PCDH9: variants seen among roughly 807,000 people sequenced by gnomAD.
The protein encoded by PCDH9 is protocadherin 9.
In PCDH9, 24 loss-of-function variants were observed where a neutral mutation model predicts 70.6. That is an observed-to-expected ratio of 0.34 (90% CI 0.25 to 0.48). The LOEUF (loss-of-function observed/expected upper bound fraction) is 0.48. Ranked by LOEUF, PCDH9 falls within the 20% of genes least tolerant of loss-of-function variation. The pLI is 0.99. For missense variants in PCDH9, 1,281 were observed against 1,503.6 expected, an observed-to-expected ratio of 0.85 and a Z score of 2.45; for synonymous variants, 562 against 558.5, an observed-to-expected ratio of 1.01 and a Z score of -0.09.
At chr13:66,850,107 C>T (rs1007771227) in intron 3 of PCDH9, among the ~76,000 whole-genome samples, 6 of 151,952 alleles carry the variant, frequency 3.9e-5, no homozygotes, top group East Asian at 3.9e-4. Context: ...AATATTACAA[C>T]AATAATTTTG....
chr13:66,961,908 G>A (rs971919533), intron 2 of PCDH9, among the ~76,000 whole-genome samples: 10 of 151,804 alleles, frequency 6.6e-5, no homozygotes, highest in South Asian at 2.1e-4. Context: ...AAAATTAGCC[G>A]GGCATGGTGG....
chr13:67,131,813 T>C (rs886598474), intron 2 of PCDH9, among the ~76,000 whole-genome samples: 12 of 152,192 alleles, frequency 7.9e-5, no homozygotes, highest in African/African-American at 2.9e-4. Flanking sequence ...GGGTGCTACC[T>C]GAAACAAGTG....
intron 2 of PCDH9, among the ~76,000 whole-genome samples, chr13:67,001,304 A>C (rs2084240198): frequency 1.3e-5 from 2 of 152,186 alleles, no homozygotes; most frequent in Admixed American, 1.3e-4. Context: ...TTAAAACTGA[A>C]CTCAACACTT....
intron 4 of PCDH9, among the ~76,000 whole-genome samples, chr13:66,483,879 A>G (rs1221263646): frequency 6.6e-6 from 1 of 152,152 alleles, no homozygotes; most frequent in Non-Finnish European, 1.5e-5. Context: ...AGATACAGAA[A>G]GGGCTGGACA....
chr13:66,931,240 C>A (rs966693042), intron 2 of PCDH9, among the ~76,000 whole-genome samples: 5 of 151,988 alleles, frequency 3.3e-5, no homozygotes, highest in African/African-American at 9.7e-5. Flanking sequence ...ATATATGTCA[C>A]CTTTTTCTGC....
intron 4 of PCDH9, among the ~76,000 whole-genome samples, chr13:66,405,084 G>C (rs138783283): frequency 1.2e-3 from 183 of 152,230 alleles, no homozygotes; most frequent in Admixed American, 3.9e-3. Flanking sequence ...GATCCTAGAT[G>C]GATAAATCTC....
At chr13:66,663,674 C>T (rs1399025237) in intron 3 of PCDH9, among the ~76,000 whole-genome samples, 2 of 152,056 alleles carry the variant, frequency 1.3e-5, no homozygotes, top group African/African-American at 2.4e-5. Flanking sequence ...GAGAGATTCT[C>T]GATATAAAAA....
At chr13:66,794,236 G>A (rs938847764) in intron 3 of PCDH9, among the ~76,000 whole-genome samples, 1 of 151,886 alleles carries the variant, frequency 6.6e-6, no homozygotes, top group African/African-American at 2.4e-5. Context: ...TAATTAGGAA[G>A]AAGGAAGGAA....
chr13:66,867,472 T>G (rs1192807654), intron 3 of PCDH9, among the ~76,000 whole-genome samples: 1 of 152,120 alleles, frequency 6.6e-6, no homozygotes, highest in Non-Finnish European at 1.5e-5. Context: ...AGGACATAAT[T>G]TAATATTTTC....
chr13:66,731,007 A>G (rs34642908), intron 3 of PCDH9, among the ~76,000 whole-genome samples: 34,272 of 150,602 alleles, frequency 0.23, 4,106 homozygotes, highest in South Asian at 0.35. Context: ...AACAGGCTGA[A>G]CTATCAGGCC....
chr13:66,414,477 T>C (rs1354270112), intron 4 of PCDH9, among the ~76,000 whole-genome samples: 1 of 152,216 alleles, frequency 6.6e-6, no homozygotes, highest in African/African-American at 2.4e-5. Flanking sequence ...TTAGAAAGCT[T>C]AGGAAGTATG....
At chr13:66,729,351 AGACAATC>A (rs1288340804) in intron 3 of PCDH9, among the ~76,000 whole-genome samples, 1 of 152,188 alleles carries the variant, frequency 6.6e-6, no homozygotes, top group African/African-American at 2.4e-5. Flanking sequence ...TTAGTACAAT[AGACAATC>A]AAGTACCCTC....
intron 3 of PCDH9, among the ~76,000 whole-genome samples, chr13:66,713,209 T>C (rs1265131787): frequency 6.6e-6 from 1 of 152,180 alleles, no homozygotes; most frequent in Non-Finnish European, 1.5e-5. Context: ...ACAGTGATCT[T>C]ACCAAGAGGT....
chr13:66,697,148 GC>G (rs1285433853), intron 3 of PCDH9, among the ~76,000 whole-genome samples: 1 of 151,892 alleles, frequency 6.6e-6, no homozygotes, highest in East Asian at 1.9e-4. Flanking sequence ...ATTTTAAAAG[GC>G]CCCAATGTGC....
chr13:66,672,396 T>C (rs998659411), intron 3 of PCDH9, among the ~76,000 whole-genome samples: 1 of 152,086 alleles, frequency 6.6e-6, no homozygotes, highest in Non-Finnish European at 1.5e-5. Flanking sequence ...CTTCAGAGGA[T>C]GTATGGAAAT....
intron 3 of PCDH9, among the ~76,000 whole-genome samples, chr13:66,896,844 G>C (rs1159750095): frequency 6.6e-6 from 1 of 152,116 alleles, no homozygotes; most frequent in Non-Finnish European, 1.5e-5. Context: ...CTTAAAATTT[G>C]GATGTCCTCT....
intron 3 of PCDH9, among the ~76,000 whole-genome samples, chr13:66,708,210 C>T (rs1047586299): frequency 4.6e-5 from 7 of 151,072 alleles, no homozygotes; most frequent in South Asian, 4.2e-4. Context: ...CCACTACGCC[C>T]GGCTAATTTT....
intron 4 of PCDH9, among the ~76,000 whole-genome samples, chr13:66,468,360 AC>A (rs1958555196): frequency 6.6e-6 from 1 of 152,038 alleles, no homozygotes; most frequent in Non-Finnish European, 1.5e-5. Context: ...ATCATCTCAG[AC>A]CCTTCTCCAA....
intron 2 of PCDH9, among the ~76,000 whole-genome samples, chr13:67,107,499 G>A (rs759808815): frequency 7.9e-5 from 12 of 152,116 alleles, no homozygotes; most frequent in African/African-American, 2.4e-4. Context: ...GGCTATGGAC[G>A]TCAGAACGAT....
Sources: allele counts gnomAD v4.1 joint callset (sites outside exome capture counted in the v4.1 genomes callset), GRCh38; gene constraint gnomAD v4.1.1; transcripts MANE v1.5; gene names NCBI Gene and HGNC (gene_info 2026-07-23, HGNC 2026-07-21).